LARP1B: variants seen among roughly 807,000 people sequenced by gnomAD.
LARP1B encodes the protein La ribonucleoprotein 1B.
Under a neutral mutation model 114.2 loss-of-function variants are expected in LARP1B, and 76 were observed. The ratio of observed to expected loss-of-function variants is 0.67; its 90% CI spans 0.55 to 0.81. The LOEUF is 0.81. Among genes scored for constraint, LARP1B ranks in the 30% least tolerant of loss-of-function variants. LARP1B has a pLI of 0.00. For synonymous variants in LARP1B, 345 were observed against 348.0 expected, an observed-to-expected ratio of 0.99 and a Z score of 0.10; for missense variants, 1,014 against 1,075.8, an observed-to-expected ratio of 0.94 and a Z score of 0.80.
At chr4:128,196,924 T>G (rs1754357342) in intron 15 of LARP1B, among the ~76,000 whole-genome samples, 1 of 152,170 alleles carries the variant, frequency 6.6e-6, no homozygotes, top group African/African-American at 2.4e-5. Flanking sequence ...AACATTATGC[T>G]TAATGAAACA....
intron 11 of LARP1B, among the ~76,000 whole-genome samples, chr4:128,136,321 C>A (rs55681822): frequency 0.64 from 95,187 of 147,838 alleles, 30,808 homozygotes; most frequent in Middle Eastern, 0.81. Context: ...TCAAGAAAAA[C>A]AAAAAAACAA....
At chr4:128,074,013 T>C (rs1283864108) in intron 1 of LARP1B, among the ~76,000 whole-genome samples, 1 of 151,984 alleles carries the variant, frequency 6.6e-6, no homozygotes, top group Non-Finnish European at 1.5e-5. Context: ...AGATCTCAGC[T>C]TACCGCATCC....
intron 11 of LARP1B, chr4:128,122,502 C>G (rs1184329588): frequency 6.5e-6 from 10 of 1,527,572 alleles, no homozygotes; most frequent in Non-Finnish European, 8.7e-6. Context: ...TGAGAACGCC[C>G]TTTCTCGTAT....
At chr4:128,174,757 A>T (rs1482331488) in intron 12 of LARP1B, among the ~76,000 whole-genome samples, 1 of 152,090 alleles carries the variant, frequency 6.6e-6, no homozygotes, top group African/African-American at 2.4e-5. Context: ...TGAATCTCAA[A>T]ATCATATCAT....
intron 15 of LARP1B, among the ~76,000 whole-genome samples, chr4:128,186,785 G>A (rs577828255): frequency 3.9e-5 from 6 of 152,294 alleles, no homozygotes; most frequent in East Asian, 3.9e-4. Context: ...GAGACCTCCC[G>A]CCGCAGGACC....
intron 11 of LARP1B, among the ~76,000 whole-genome samples, chr4:128,152,567 T>A (rs973875931): frequency 5.3e-5 from 8 of 151,794 alleles, no homozygotes; most frequent in African/African-American, 1.9e-4. Flanking sequence ...TATTTTTTAT[T>A]TTTATTTTTT....
At chr4:128,199,382 C>T (rs2150879792) in intron 15 of LARP1B, 57 bp from the exon 16 acceptor site, 3 of 1,362,170 alleles carry the variant, frequency 2.2e-6, no homozygotes, top group Non-Finnish European at 2.9e-6. Context: ...CAAATTGGTT[C>T]ATATACTTGG....
intron 11 of LARP1B, among the ~76,000 whole-genome samples, chr4:128,126,623 A>G (rs1789710931): frequency 6.6e-6 from 1 of 152,226 alleles, no homozygotes; most frequent in South Asian, 2.1e-4. Flanking sequence ...GAATTAGAGA[A>G]TTAGTCAATT....
intron 3 of LARP1B, among the ~76,000 whole-genome samples, chr4:128,076,732 G>T (rs1046595169): frequency 3.3e-5 from 5 of 151,382 alleles, no homozygotes; most frequent in Non-Finnish European, 4.4e-5. Flanking sequence ...TCTCTTTTTT[G>T]TGTGTGTGTG....
chr4:128,119,360 T>TC (rs1787134938), intron 10 of LARP1B, among the ~76,000 whole-genome samples: 2 of 152,126 alleles, frequency 1.3e-5, no homozygotes, highest in Admixed American at 6.6e-5. Flanking sequence ...TTTCTTTTCC[T>TC]CCCCCCAGCT....
At chr4:128,155,665 T>A in intron 11 of LARP1B, 1 of 1,576,928 alleles carries the variant, frequency 6.3e-7, no homozygotes, top group Non-Finnish European at 8.7e-7. Flanking sequence ...TCCAGTGGTG[T>A]GTCCAAGGCC....
intron 9 of LARP1B, among the ~76,000 whole-genome samples, chr4:128,113,274 TTAAA>T (rs1784715163): frequency 6.6e-6 from 1 of 152,148 alleles, no homozygotes; most frequent in African/African-American, 2.4e-5. Context: ...CTTAAAATAT[TTAAA>T]TATTCTTTGA....
chr4:128,216,992 C>T (rs1759548673), intron 6 of LARP1B, among the ~76,000 whole-genome samples: 1 of 151,082 alleles, frequency 6.6e-6, no homozygotes, highest in East Asian at 1.9e-4. Flanking sequence ...ATACAAACTA[C>T]CATCAGAGAA....
chr4:128,173,457 A>G (rs913488903), intron 12 of LARP1B, among the ~76,000 whole-genome samples: 1 of 152,208 alleles, frequency 6.6e-6, no homozygotes, highest in African/African-American at 2.4e-5. Context: ...GACGTTCACT[A>G]AACACTAACA....
intron 11 of LARP1B, 87 bp from the exon 12 acceptor site, chr4:128,162,107 T>A (rs909536326): frequency 1.6e-6 from 2 of 1,250,872 alleles, no homozygotes; most frequent in African/African-American, 3.0e-5. Context: ...GTTTTAGAAG[T>A]TCATTTTTTT....
chr4:128,115,685 C>T (rs751724951), intron 10 of LARP1B, among the ~76,000 whole-genome samples: 2 of 152,142 alleles, frequency 1.3e-5, no homozygotes, highest in Non-Finnish European at 2.9e-5. Context: ...GACAGAGTCT[C>T]GCTCTGTCGC....
At chr4:128,105,443 C>T (rs1781746908) in intron 8 of LARP1B, among the ~76,000 whole-genome samples, 1 of 152,104 alleles carries the variant, frequency 6.6e-6, no homozygotes, top group Non-Finnish European at 1.5e-5. Flanking sequence ...TTTCAGTGGA[C>T]AAAATGAGGA....
intron 15 of LARP1B, among the ~76,000 whole-genome samples, chr4:128,191,551 G>T (rs1752292596): frequency 6.6e-6 from 1 of 152,094 alleles, no homozygotes; most frequent in Non-Finnish European, 1.5e-5. Context: ...GATGGTGGGG[G>T]TGGCAAAGGG....
intron 11 of LARP1B, among the ~76,000 whole-genome samples, chr4:128,136,970 T>C (rs571234835): frequency 6.6e-6 from 1 of 152,294 alleles, no homozygotes; most frequent in South Asian, 2.1e-4. Flanking sequence ...AACAATGATA[T>C]GTTTTTAAAT....
Sources: allele counts gnomAD v4.1 joint callset (sites outside exome capture counted in the v4.1 genomes callset), GRCh38; gene constraint gnomAD v4.1.1; transcripts MANE v1.5; gene names NCBI Gene and HGNC (gene_info 2026-07-23, HGNC 2026-07-21).